RIMBP2: variants seen among roughly 807,000 people sequenced by gnomAD.
RIMBP2 encodes the protein RIMS binding protein 2.
A neutral mutation model predicts 118.6 loss-of-function variants in RIMBP2; 48 were observed. That is an observed-to-expected ratio of 0.40 (90% CI 0.32 to 0.51). RIMBP2 has a LOEUF of 0.51. Ranked by LOEUF, RIMBP2 falls within the 20% of genes least tolerant of loss-of-function variation. RIMBP2 has a pLI of 0.41. For missense variants in RIMBP2, 1,551 were observed against 1,768.3 expected (o/e 0.88, Z 2.20); for synonymous variants, 762 against 742.9 (o/e 1.03, Z -0.42).
chr12:130,646,349 A>ACTTG lies in RIMBP2; in HGVS notation c.-351-17894_-351-17893insCAAG, dbSNP rs1285406384. On this transcript the variant is annotated intron_variant, in intron 1 of 22. Transcript: ENST00000690449. Reference sequence around the variant, plus strand: ...CACCTGCCTCACCACCTCCCTCACCACCTCCCTCACCACCTCCCTCACCAC... The same window carrying ACTTG: ...CACCTGCCTCACCACCTCCCTCACCACTTGCCTCCCTCACCACCTCCCTCACCAC... Among the ~76,000 whole-genome samples the ACTTG allele has an allele frequency of 2.3e-4, 28 of 120,608 alleles. 5 individuals carry two copies. Among genetic ancestry groups the ACTTG allele is most frequent in the Non-Finnish European group, 4.2e-4 (23 of 55,284 alleles). 79.1% of individuals were successfully genotyped at this position (120,608 alleles called of 152,430 possible). A position where few individuals can be genotyped will look rare whatever the true frequency, so the allele number is the denominator to read the frequency against.
At position 130,532,618 on chromosome 12, in the gene RIMBP2, C is replaced by T. The variant is rs373596963; in HGVS notation, c.-216-14701G>A. On this transcript the variant is annotated intron_variant, in intron 2 of 22. Coordinates refer to ENST00000690449, the MANE Select transcript of RIMBP2 (RefSeq NM_001393629.1). ...AGTTACGTCTAATGAGATGCGTATGCTTAGCCTCTAGGAGGTACGTCTAAT... is the reference window on the plus strand; with the variant it reads ...AGTTACGTCTAATGAGATGCGTATGTTTAGCCTCTAGGAGGTACGTCTAAT... Among the ~76,000 whole-genome samples the T allele has an allele frequency of 2.4e-3, 207 of 87,438 alleles. 1 individual carries two copies. Among genetic ancestry groups the T allele is most frequent in the Middle Eastern group, 0.013 (1 of 80 alleles). The allele number at this position is 87,438 out of a possible 152,430, so 57.4% of individuals were successfully genotyped here. A position where few individuals can be genotyped will look rare whatever the true frequency, so the allele number is the denominator to read the frequency against.
chr12:130,524,180 T>C (rs1045157081), intron 2 of RIMBP2, among the ~76,000 whole-genome samples: 2 of 152,170 alleles, frequency 1.3e-5, no homozygotes, highest in African/African-American at 4.8e-5. Flanking sequence ...AGAGTGGACA[T>C]GGTAATTAAC....
At chr12:130,554,136 G>A (rs1331995105) in intron 2 of RIMBP2, among the ~76,000 whole-genome samples, 1 of 152,142 alleles carries the variant, frequency 6.6e-6, no homozygotes, top group Non-Finnish European at 1.5e-5. Flanking sequence ...ATATGTAATA[G>A]CAAAGAATAG....
chr12:130,678,582 A>G (rs2064618096), intron 1 of RIMBP2, among the ~76,000 whole-genome samples: 1 of 151,960 alleles, frequency 6.6e-6, no homozygotes, highest in Admixed American at 6.6e-5. Context: ...CAGTGGCACG[A>G]TCTCGGCTCA....
intron 2 of RIMBP2, among the ~76,000 whole-genome samples, chr12:130,599,665 T>C (rs1349830697): frequency 6.6e-6 from 1 of 152,196 alleles, no homozygotes; most frequent in East Asian, 1.9e-4. Flanking sequence ...CTAATCGGAG[T>C]ATATAATGGC....
intron 1 of RIMBP2, among the ~76,000 whole-genome samples, chr12:130,663,027 G>C (rs1467233784): frequency 6.6e-6 from 1 of 152,188 alleles, no homozygotes; most frequent in Non-Finnish European, 1.5e-5. Flanking sequence ...GGGAAAGAAG[G>C]CACCTGGATA....
At chr12:130,412,858 G>T in intron 18 of RIMBP2, 71 bp from the exon 19 acceptor site, 1 of 1,381,080 alleles carries the variant, frequency 7.2e-7, no homozygotes, top group East Asian at 2.3e-5. Context: ...TCCCACTGAC[G>T]GTAAGTGAGT....
chr12:130,623,412 C>T lies in RIMBP2; in HGVS notation c.-217+4910G>A, dbSNP rs1016647362. Reference sequence around the variant, plus strand: ...TGCCCTAATGCTCCCCCTCCCCTTGCCCCCACCCCCTGAAGTAGAGGCACA... The same window carrying T: ...TGCCCTAATGCTCCCCCTCCCCTTGTCCCCACCCCCTGAAGTAGAGGCACA... On this transcript the variant is annotated intron_variant, in intron 2 of 22. Transcript: ENST00000690449. This position sits in a 1 kb window ranked among gnomAD's most constrained non-coding sequence, Gnocchi z 4.1. Among the ~76,000 whole-genome samples, 2 of 151,634 alleles carry T rather than the reference C, an allele frequency of 1.3e-5. No individual in the cohort carries two copies. Among genetic ancestry groups the T allele is most frequent in the Admixed American group, 6.6e-5 (1 of 15,228 alleles).
chr12:130,521,682 A>G (rs576568985), intron 2 of RIMBP2, among the ~76,000 whole-genome samples: 19 of 152,156 alleles, frequency 1.2e-4, no homozygotes, highest in Non-Finnish European at 2.1e-4. Context: ...CATGACTCCC[A>G]CACTGCTGGG....
chr12:130,560,415 C>T (rs537511895), intron 2 of RIMBP2, among the ~76,000 whole-genome samples: 68 of 152,152 alleles, frequency 4.5e-4, no homozygotes, highest in Admixed American at 1.3e-3. Context: ...CAGGGCAGGA[C>T]GTTTAGCCAC....
At chr12:130,408,374 GCT>G (rs1220278105) in intron 19 of RIMBP2, among the ~76,000 whole-genome samples, 1 of 152,224 alleles carries the variant, frequency 6.6e-6, no homozygotes, top group East Asian at 1.9e-4. Context: ...CAGCCCAGTG[GCT>G]TCCCTCATGC....
chr12:130,644,801 T>G (rs1439377699), intron 1 of RIMBP2, among the ~76,000 whole-genome samples: 1 of 152,216 alleles, frequency 6.6e-6, no homozygotes, highest in Non-Finnish European at 1.5e-5. Context: ...CCTGAGAACG[T>G]GGCACAGAGT....
chr12:130,599,210 C>T (rs2059730829), intron 2 of RIMBP2, among the ~76,000 whole-genome samples: 1 of 152,128 alleles, frequency 6.6e-6, no homozygotes, highest in Non-Finnish European at 1.5e-5. Context: ...TTAGATTAAA[C>T]AACTTTTTTT....
intron 1 of RIMBP2, among the ~76,000 whole-genome samples, chr12:130,662,463 C>A (rs2136356026): frequency 6.6e-6 from 1 of 152,208 alleles, no homozygotes; most frequent in South Asian, 2.1e-4. Context: ...CGAGACCATC[C>A]TGGCCAACAT....
In RIMBP2 at chr12:130,525,021, G is replaced by A. The variant is rs1439464638; in HGVS notation, c.-216-7104C>T. On this transcript the variant is annotated intron_variant, in intron 2 of 22. Transcript: ENST00000690449. This position sits in a 1 kb window ranked among gnomAD's most constrained non-coding sequence, Gnocchi z 4.4. ...GGTCCCCACATGGCCCAGAGCTCAGGAAGGAGAGCCTGACCCAGACCCAGA... is the reference window on the plus strand; with the variant it reads ...GGTCCCCACATGGCCCAGAGCTCAGAAAGGAGAGCCTGACCCAGACCCAGA... Among the ~76,000 whole-genome samples, 1 of 152,220 alleles carries A rather than the reference G, an allele frequency of 6.6e-6. No homozygotes were observed. Among genetic ancestry groups the A allele is most frequent in the Non-Finnish European group, 1.5e-5 (1 of 68,046 alleles).
chr12:130,650,396 C>T (rs1009008803), intron 1 of RIMBP2, among the ~76,000 whole-genome samples: 1 of 152,250 alleles, frequency 6.6e-6, no homozygotes. Context: ...GCTCTTCCTA[C>T]TCCAGCCAGC....
At chr12:130,593,109 G>A (rs1392891584) in intron 2 of RIMBP2, among the ~76,000 whole-genome samples, 1 of 152,152 alleles carries the variant, frequency 6.6e-6, no homozygotes, top group African/African-American at 2.4e-5. Context: ...CCTCTACGTG[G>A]AGCATCCTTG....
chr12:130,550,940 C>A (rs7295139), intron 2 of RIMBP2, among the ~76,000 whole-genome samples: 117,018 of 152,180 alleles, frequency 0.77, 45,439 homozygotes, highest in Non-Finnish European at 0.82. Flanking sequence ...AAGTGGGTGC[C>A]GCACATTAAC....
chr12:130,454,155 G>A (rs1370519182), intron 7 of RIMBP2, among the ~76,000 whole-genome samples: 1 of 152,234 alleles, frequency 6.6e-6, no homozygotes, highest in African/African-American at 2.4e-5. Context: ...AGGTAACCAC[G>A]TGAGGATGTG....
Sources: gnomAD v4.1 joint callset for allele counts (sites outside exome capture counted in the v4.1 genomes callset) on GRCh38, gnomAD v4.1.1 for gene constraint, Gnocchi (gnomAD v3.1) non-coding constraint, MANE v1.5 for transcripts, NCBI Gene and HGNC (gene_info 2026-07-23, HGNC 2026-07-21) for gene names.